GRK7: variants seen among roughly 807,000 people sequenced by gnomAD.
GRK7 encodes G protein-coupled receptor kinase 7, also known as rhodopsin kinase GRK7.
GRK7 carries 24 observed loss-of-function variants against 34.1 expected under a neutral mutation model. That is an observed-to-expected ratio of 0.70 (90% CI 0.51 to 0.99). GRK7 has a LOEUF of 0.99. Among genes scored for constraint, GRK7 ranks in the 50% least tolerant of loss-of-function variants. The pLI is 0.00. For missense variants in GRK7, 644 were observed against 707.3 expected, an observed-to-expected ratio of 0.91 and a Z score of 1.02; for synonymous variants, 256 against 279.4, an observed-to-expected ratio of 0.92 and a Z score of 0.84.
At chr3:141,813,662 AC>A (rs1577929203) in intron 5 of GRK7, among the ~76,000 whole-genome samples, 1 of 152,158 alleles carries the variant, frequency 6.6e-6, no homozygotes, top group Non-Finnish European at 1.5e-5. Context: ...TTCCGGATAG[AC>A]CTTTCTGGAA....
chr3:141,796,475 T>A lies in GRK7; in HGVS notation c.1051-11170T>A, dbSNP rs144650148. 2.6e-3 allele frequency among the ~76,000 whole-genome samples: 391 copies of A among 152,376 alleles called. 1 individual carries two copies. The highest frequency in any genetic ancestry group is 8.3e-3 in the African/African-American group (344 of 41,598). ...CAATCCCCGCTGTTGCAATTGTTTC[T>A]GCCTCACCTGACAGGCACTGTAGTT... On this transcript the variant is annotated intron_variant, in intron 4 of 5. Transcript: ENST00000682958.
chr3:141,791,236 A>G (rs1469769627), intron 4 of GRK7, among the ~76,000 whole-genome samples: 1 of 152,224 alleles, frequency 6.6e-6, no homozygotes, highest in East Asian at 1.9e-4. Flanking sequence ...ATTTCGAAGC[A>G]TCTATTGTAC....
chr3:141,814,450 C>T (rs1711126745), intron 5 of GRK7, among the ~76,000 whole-genome samples: 1 of 152,082 alleles, frequency 6.6e-6, no homozygotes, highest in African/African-American at 2.4e-5. Flanking sequence ...ATGTTTAGCT[C>T]CCACTTATAA....
intron 4 of GRK7, among the ~76,000 whole-genome samples, chr3:141,797,753 C>A (rs1375719281): frequency 6.6e-6 from 1 of 152,126 alleles, no homozygotes; most frequent in Non-Finnish European, 1.5e-5. Flanking sequence ...CCGTCTGCGT[C>A]GCTAATCCAG....
chr3:141,768,231 A>G (rs75552666), intron 1 of GRK7, among the ~76,000 whole-genome samples: 7,513 of 147,460 alleles, frequency 0.051, 180 homozygotes, highest in South Asian at 0.09. Context: ...TTCCCCTTAT[A>G]TTTTAACCTC....
chr3:141,774,798 A>C (rs1404966868), intron 2 of GRK7, among the ~76,000 whole-genome samples, 118 bp downstream of exon 2: 1 of 148,720 alleles, frequency 6.7e-6, no homozygotes, highest in Non-Finnish European at 1.5e-5. Flanking sequence ...TATTATTATT[A>C]TTATTATTAT....
intron 4 of GRK7, among the ~76,000 whole-genome samples, chr3:141,785,818 G>A (rs2084693384): frequency 6.7e-6 from 1 of 149,970 alleles, no homozygotes; most frequent in Non-Finnish European, 1.5e-5. Context: ...GCATGCCTGT[G>A]GTCCCAGCTA....
At chr3:141,777,322 CTT>C (rs770173065) in intron 2 of GRK7, among the ~76,000 whole-genome samples, 1,256 of 52,850 alleles carry the variant, frequency 0.024, 65 homozygotes, top group African/African-American at 0.11. Flanking sequence ...GATGGCCCCT[CTT>C]TTTTTTTTTT....
At chr3:141,795,566 G>A (rs1487129922) in intron 4 of GRK7, among the ~76,000 whole-genome samples, 1 of 152,172 alleles carries the variant, frequency 6.6e-6, no homozygotes, top group Non-Finnish European at 1.5e-5. Context: ...AGGGGCTGGA[G>A]GAGTTGCACA....
Position 141,764,206 on chromosome 3 carries a change from CT to C in GRK7, c.-1746del, listed in dbSNP as rs1284751643. ...TCTCATACCCTGGCCTCTCCATCCC[CT>C]GATCTCATCTCTTCCAGTGATGTGC... On this transcript the variant is annotated 5_prime_UTR_variant, in exon 1 of 6. An upstream open reading frame in the 5' UTR gains an earlier in-frame stop. Transcript: ENST00000682958. Among the ~76,000 whole-genome samples the C allele has an allele frequency of 2.0e-5, 3 of 152,168 alleles. No individual in the cohort carries two copies. Among genetic ancestry groups the C allele is most frequent in the Admixed American group, 2.0e-4 (3 of 15,280 alleles).
At chr3:141,791,315 G>A (rs542224692) in intron 4 of GRK7, among the ~76,000 whole-genome samples, 58 of 152,188 alleles carry the variant, frequency 3.8e-4, no homozygotes, top group African/African-American at 1.3e-3. Flanking sequence ...TTTCTTGGGA[G>A]TTAATGCCTC....
upstream of GRK7, among the ~76,000 whole-genome samples, chr3:141,761,655 G>A (rs1178626523): frequency 8.6e-4 from 92 of 106,848 alleles, no homozygotes; most frequent in African/African-American, 3.4e-3. Context: ...GAATCTGAAC[G>A]TTGGCCTGCC....
chr3:141,778,882 G>C lies in GRK7; in HGVS notation c.598G>C (p.Gly200Arg), dbSNP rs771982384. Residue 200 changes from glycine (G) to arginine (R), a missense_variant, in exon 3 of 6, where the codon GGT (glycine) becomes CGT (arginine). Gly to Arg is a moderately radical substitution (Grantham distance 125, BLOSUM62 -2). Transcript: ENST00000682958. The surrounding 1 kb of genome is among the most constrained non-coding windows in gnomAD (Gnocchi z 4.1). ...YFTEFRVLGK[G>R]GFGEVCAVQV... ...CACTGAGTTCAGAGTGCTGGGGAAA[G>C]GTGGTTTTGGGGAGGTAAGTGTCTC... The C allele has an allele frequency of 6.2e-7, 1 of 1,610,240 alleles. No homozygotes were observed. Among genetic ancestry groups the C allele is most frequent in the East Asian group, 2.2e-5 (1 of 44,870 alleles).
rs1040856407 is a variant in GRK7 at position 141,763,648 on chromosome 3, G to T, written c.-2305G>T. Among the ~76,000 whole-genome samples, 7 of 152,136 alleles carry T rather than the reference G, an allele frequency of 4.6e-5. No individual in the cohort carries two copies. Among genetic ancestry groups the T allele is most frequent in the African/African-American group, 1.4e-4 (6 of 41,430 alleles). On this transcript the variant is annotated 5_prime_UTR_variant, in exon 1 of 6. Transcript: ENST00000682958. ...CCCCCAACACTGTCCACCACCATCT[G>T]CTTTGAGTCCAGCAATCTCATCCTG... is the stretch of plus-strand genomic sequence containing the variant.
At chr3:141,806,287 G>T (rs1711035045) in intron 4 of GRK7, among the ~76,000 whole-genome samples, 1 of 152,160 alleles carries the variant, frequency 6.6e-6, no homozygotes, top group Non-Finnish European at 1.5e-5. Context: ...AGTCGGCCAG[G>T]CACGGTGGCT....
At chr3:141,791,052 G>T (rs902427649) in intron 4 of GRK7, among the ~76,000 whole-genome samples, 1 of 152,058 alleles carries the variant, frequency 6.6e-6, no homozygotes, top group African/African-American at 2.4e-5. Context: ...TGACCTTCAG[G>T]TATTATGCAA....
At chr3:141,807,566 A>G in intron 4 of GRK7, 79 bp from the exon 5 acceptor site, 1 of 1,229,790 alleles carries the variant, frequency 8.1e-7, no homozygotes. Flanking sequence ...TGTATTAGGT[A>G]GGCAGTCAGC....
the GRK7 span, among the ~76,000 whole-genome samples, chr3:141,753,606 G>C: frequency 6.6e-6 from 1 of 152,222 alleles, no homozygotes; most frequent in Non-Finnish European, 1.5e-5. Flanking sequence ...AGGCAGTACT[G>C]CTTGCTCGCT....
rs113830488 is a variant in GRK7 at position 141,789,934 on chromosome 3, T to C, written c.1050+9123T>C. Among the ~76,000 whole-genome samples, 99 of 152,270 alleles carry C rather than the reference T, an allele frequency of 6.5e-4. 1 individual carries two copies. The highest frequency in any genetic ancestry group is 2.5e-4 in the Non-Finnish European group (17 of 68,022). ...TGATATGATTCCAGGCACATCAGAT[T>C]TAAAAGCGCTCACAGTTTTGACTCC... On this transcript the variant is annotated intron_variant, in intron 4 of 5. Coordinates refer to ENST00000682958, the MANE Select transcript of GRK7 (RefSeq NM_139209.3).
Sources: allele counts gnomAD v4.1 joint callset (sites outside exome capture counted in the v4.1 genomes callset), GRCh38; gene constraint gnomAD v4.1.1; non-coding constraint Gnocchi (gnomAD v3.1); transcripts MANE v1.5; gene names NCBI Gene and HGNC (gene_info 2026-07-23, HGNC 2026-07-21).